Variants in XYLT1 observed in about 807,000 individuals in gnomAD.
The protein encoded by XYLT1 is beta-D-xylosyltransferase 1.
In XYLT1, 36 loss-of-function variants were observed where a neutral mutation model predicts 91.3. The ratio of observed to expected loss-of-function variants is 0.39; its 90% CI spans 0.30 to 0.52. The LOEUF (loss-of-function observed/expected upper bound fraction) is 0.52, where lower values mean the gene tolerates loss of function less well. Among genes scored for constraint, XYLT1 ranks in the 20% least tolerant of loss-of-function variants. The pLI, the probability that XYLT1 is intolerant of heterozygous loss-of-function variation, is 0.68. For synonymous variants in XYLT1, 588 were observed against 532.0 expected (o/e 1.11, Z -1.45); for missense variants, 1,242 against 1,284.5 (o/e 0.97, Z 0.51).
intron 3 of XYLT1, among the ~76,000 whole-genome samples, chr16:17,240,797 T>C (rs900511195): frequency 6.6e-6 from 1 of 152,222 alleles, no homozygotes; most frequent in Non-Finnish European, 1.5e-5. Context: ...TCATTCCATT[T>C]AGGAGAACCT....
chr16:17,150,245 C>G (rs1301884838), intron 6 of XYLT1, among the ~76,000 whole-genome samples: 2 of 152,194 alleles, frequency 1.3e-5, no homozygotes, highest in Non-Finnish European at 1.5e-5. Flanking sequence ...CCATTTCTCT[C>G]AGGCCCACGG....
chr16:17,302,345 C>G (rs1256349566), intron 2 of XYLT1, among the ~76,000 whole-genome samples: 1 of 152,148 alleles, frequency 6.6e-6, no homozygotes, highest in Non-Finnish European at 1.5e-5. Context: ...CCAGGGGACA[C>G]CGTCGTAGCA....
intron 5 of XYLT1, among the ~76,000 whole-genome samples, chr16:17,169,611 G>A (rs2031777714): frequency 6.7e-6 from 1 of 150,186 alleles, no homozygotes; most frequent in Non-Finnish European, 1.5e-5. Context: ...CAGGAACCCA[G>A]GACGCCACCG....
chr16:17,308,784 C>T (rs1238904300), intron 2 of XYLT1, among the ~76,000 whole-genome samples: 1 of 152,130 alleles, frequency 6.6e-6, no homozygotes, highest in Non-Finnish European at 1.5e-5. Context: ...CAGTACCTGA[C>T]ACATGGTAGA....
intron 3 of XYLT1, among the ~76,000 whole-genome samples, chr16:17,220,801 C>T (rs138064916): frequency 6.6e-6 from 1 of 152,164 alleles, no homozygotes; most frequent in African/African-American, 2.4e-5. Flanking sequence ...TCTTCCTGGG[C>T]TTGTTTGCCT....
At chr16:17,318,960 G>A (rs1402225780) in intron 2 of XYLT1, among the ~76,000 whole-genome samples, 1 of 151,938 alleles carries the variant, frequency 6.6e-6, no homozygotes. Flanking sequence ...GGTAATTTTT[G>A]TATTTTTAGT....
At chr16:17,142,773 C>A (rs891689646) in intron 6 of XYLT1, among the ~76,000 whole-genome samples, 3 of 151,960 alleles carry the variant, frequency 2.0e-5, no homozygotes, top group African/African-American at 7.3e-5. Flanking sequence ...TAGTGGTGAG[C>A]ATAAATGATA....
intron 2 of XYLT1, among the ~76,000 whole-genome samples, chr16:17,314,446 CACT>C (rs2034595247): frequency 6.6e-6 from 1 of 152,170 alleles, no homozygotes; most frequent in Admixed American, 6.5e-5. Flanking sequence ...CTAGAATATG[CACT>C]ACAGGCTTCC....
At chr16:17,299,613 G>A (rs1041183965) in intron 2 of XYLT1, among the ~76,000 whole-genome samples, 5 of 152,198 alleles carry the variant, frequency 3.3e-5, no homozygotes, top group African/African-American at 4.8e-5. Flanking sequence ...ATATGTGGGA[G>A]TTGATTTAGC....
At chr16:17,161,529 A>G (rs1489322709) in intron 5 of XYLT1, among the ~76,000 whole-genome samples, 1 of 152,088 alleles carries the variant, frequency 6.6e-6, no homozygotes, top group African/African-American at 2.4e-5. Context: ...TCCTTCTCCA[A>G]AGGGAGATGG....
At chr16:17,214,369 G>A (rs1452324228) in intron 3 of XYLT1, among the ~76,000 whole-genome samples, 2 of 152,132 alleles carry the variant, frequency 1.3e-5, no homozygotes, top group Non-Finnish European at 2.9e-5. Context: ...AGTAAAATAG[G>A]GATACATATT....
chr16:17,194,300 G>A (rs538623580), intron 5 of XYLT1: 2 of 152,368 alleles, frequency 1.3e-5, no homozygotes, highest in East Asian at 3.9e-4. Flanking sequence ...TGACGAGAGT[G>A]CAGGCACTCA....
intron 5 of XYLT1, among the ~76,000 whole-genome samples, chr16:17,186,097 A>C (rs2032176821): frequency 6.6e-6 from 1 of 151,956 alleles, no homozygotes; most frequent in African/African-American, 2.4e-5. Context: ...GGAACTCTAG[A>C]TTTCTTTTTT....
intron 5 of XYLT1, among the ~76,000 whole-genome samples, chr16:17,186,008 A>T (rs2032174541): frequency 6.6e-6 from 1 of 152,102 alleles, no homozygotes; most frequent in African/African-American, 2.4e-5. Context: ...AAATATCTCA[A>T]ATATATATAT....
chr16:17,285,159 C>T (rs1235293190), intron 2 of XYLT1, among the ~76,000 whole-genome samples: 2 of 152,094 alleles, frequency 1.3e-5, no homozygotes, highest in Non-Finnish European at 2.9e-5. Context: ...CTCTTCTCTC[C>T]GGGGTGTTGC....
intron 1 of XYLT1, among the ~76,000 whole-genome samples, chr16:17,385,280 A>G (rs1320277565): frequency 6.8e-6 from 1 of 146,810 alleles, no homozygotes; most frequent in African/African-American, 2.7e-5. Flanking sequence ...ACACACACAC[A>G]CACACACACA....
chr16:17,255,987 G>A (rs948275917), intron 3 of XYLT1, among the ~76,000 whole-genome samples: 5 of 152,044 alleles, frequency 3.3e-5, no homozygotes, highest in African/African-American at 9.7e-5. Flanking sequence ...CAGCCTGGGC[G>A]ACAGAGCGAG....
At chr16:17,323,987 C>T (rs1448696667) in intron 2 of XYLT1, among the ~76,000 whole-genome samples, 2 of 152,186 alleles carry the variant, frequency 1.3e-5, no homozygotes, top group African/African-American at 2.4e-5. Flanking sequence ...ATGAAACAGA[C>T]TTGTTCTCAA....
At chr16:17,217,250 C>T (rs1331684053) in intron 3 of XYLT1, among the ~76,000 whole-genome samples, 2 of 152,108 alleles carry the variant, frequency 1.3e-5, no homozygotes, top group Non-Finnish European at 2.9e-5. Flanking sequence ...CCAAGGAGGA[C>T]CTCGTTTCGA....
Sources: gnomAD v4.1 joint callset for allele counts (sites outside exome capture counted in the v4.1 genomes callset) on GRCh38, gnomAD v4.1.1 for gene constraint, MANE v1.5 for transcripts, NCBI Gene and HGNC (gene_info 2026-07-23, HGNC 2026-07-21) for gene names.